C6orf163: variants seen among roughly 807,000 people sequenced by gnomAD.
The protein encoded by C6orf163 is uncharacterized protein C6orf163.
C6orf163 carries 22 observed loss-of-function variants against 28.4 expected under a neutral mutation model. The observed-to-expected ratio is 0.78, with a 90% CI of 0.55 to 1.11. The LOEUF is 1.11. Ranked by LOEUF, C6orf163 falls within the 50% of genes least tolerant of loss-of-function variation. The probability of loss-of-function intolerance (pLI) is 0.00; values close to 1 mark genes in which losing one functional copy is unlikely to be tolerated. For synonymous variants in C6orf163, 110 were observed against 123.6 expected (o/e 0.89, Z 0.73); for missense variants, 342 against 389.1 (o/e 0.88, Z 1.02).
intron 3 of C6orf163, among the ~76,000 whole-genome samples, chr6:87,355,572 A>G (rs892763015): frequency 2.0e-5 from 3 of 152,150 alleles, no homozygotes; most frequent in East Asian, 1.9e-4. Context: ...AAAAAAAACA[A>G]TTACCTTTAA....
rs985210286 is a variant in C6orf163, at chr6:87,345,074, T to C, written c.-26T>C. 2.7e-6 allele frequency: 4 copies of C among 1,498,024 alleles called. No individual in the cohort carries two copies. Among genetic ancestry groups the C allele is most frequent in the Non-Finnish European group, 3.5e-6 (4 of 1,127,078 alleles). The allele number at this position is 1,498,024 out of a possible 1,614,324, so 92.8% of individuals were successfully genotyped here. The stretch of plus-strand genomic sequence containing the variant: ...ATTCTAAGATTATTTTAACTGTAAG[T>C]AGGAGAAGACATCTGAAATTTAACT... On this transcript the variant is annotated 5_prime_UTR_variant, in exon 1 of 5. Coordinates refer to ENST00000388923, the MANE Select transcript of C6orf163 (RefSeq NM_001010868.3).
At chr6:87,345,637 A>C (rs1408060342) in intron 1 of C6orf163, among the ~76,000 whole-genome samples, 1 of 152,076 alleles carries the variant, frequency 6.6e-6, no homozygotes, top group African/African-American at 2.4e-5. Flanking sequence ...TAACACCCTA[A>C]TTGGATGGGC....
chr6:87,364,752 CA>C (rs1367047683), intron 4 of C6orf163, among the ~76,000 whole-genome samples: 2 of 152,184 alleles, frequency 1.3e-5, no homozygotes, highest in Admixed American at 1.3e-4. Flanking sequence ...CCCTAGCCCA[CA>C]GCAGGGAAGT....
At chr6:87,351,772 C>A (rs1279699723) in intron 3 of C6orf163, among the ~76,000 whole-genome samples, 5 of 152,188 alleles carry the variant, frequency 3.3e-5, no homozygotes, top group Admixed American at 2.0e-4. Context: ...GCTTCCCCAG[C>A]AGACTCCTGG....
In C6orf163 at chr6:87,356,316, A is replaced by T; in HGVS notation, c.367A>T (p.Thr123Ser). Residue 123 changes from threonine to serine, a missense_variant, in exon 4 of 5, where the codon ACT becomes TCT. Thr to Ser is a moderately conservative substitution (Grantham distance 58). Transcript: ENST00000388923. ...ATTGCTTCAGGAAGTGACAGCTAAAACTAAGACAGAGATGTATCAAAACAT... is the reference window on the plus strand; with the variant it reads ...ATTGCTTCAGGAAGTGACAGCTAAATCTAAGACAGAGATGTATCAAAACAT... The part of the protein sequence containing the change: ...QKDLQEVTAK[T>S]KTEMYQNMDD... The T allele has an allele frequency of 6.4e-7, 1 of 1,551,758 alleles. No homozygotes were observed. The highest frequency in any genetic ancestry group is 8.7e-7 in the Non-Finnish European group (1 of 1,147,006).
chr6:87,351,014 T>C (rs983929168), intron 3 of C6orf163, among the ~76,000 whole-genome samples: 1 of 152,190 alleles, frequency 6.6e-6, no homozygotes, highest in African/African-American at 2.4e-5. Flanking sequence ...GCATTTACTG[T>C]ACTGCTAAGA....
intron 3 of C6orf163, among the ~76,000 whole-genome samples, chr6:87,353,777 C>G (rs1432654051): frequency 6.6e-6 from 1 of 152,178 alleles, no homozygotes; most frequent in Non-Finnish European, 1.5e-5. Flanking sequence ...CACAGCAGAA[C>G]CTCTTCACCC....
intron 1 of C6orf163, among the ~76,000 whole-genome samples, chr6:87,345,941 T>A (rs201347109): frequency 0.022 from 1,566 of 71,140 alleles, 4 homozygotes; most frequent in Non-Finnish European, 0.031. Context: ...AAAAAAAAAA[T>A]TTTAAAGTAC....
At chr6:87,345,916 C>CAAAAAAAAAAAAAAAAAAAAAAAAAAAA (rs3044136) in intron 1 of C6orf163, among the ~76,000 whole-genome samples, 4 of 44,650 alleles carry the variant, frequency 9.0e-5, no homozygotes, top group African/African-American at 2.5e-4. Context: ...GACTCTGCCT[C>CAAAAAAAAAAAAAAAAAAAAAAAAAAAA]AAAAAAAAAA....
intron 3 of C6orf163, among the ~76,000 whole-genome samples, chr6:87,355,923 A>G (rs1777494376): frequency 6.6e-6 from 1 of 152,148 alleles, no homozygotes; most frequent in Non-Finnish European, 1.5e-5. Context: ...TATTTCTGCC[A>G]TTTTCCAGGA....
intron 1 of C6orf163, 141 bp from the exon 2 acceptor site, chr6:87,348,671 G>C (rs1009962494): frequency 7.1e-7 from 1 of 1,413,770 alleles, no homozygotes; most frequent in African/African-American, 1.5e-5. Flanking sequence ...CTTTCAATGG[G>C]TATCTTTGAA....
At chr6:87,362,407 G>A (rs1777593145) in intron 4 of C6orf163, among the ~76,000 whole-genome samples, 1 of 152,166 alleles carries the variant, frequency 6.6e-6, no homozygotes, top group South Asian at 2.1e-4. Context: ...AACCTGGGAG[G>A]CGGAGGTTGC....
At chr6:87,349,667 A>T (rs182307768) in intron 2 of C6orf163, among the ~76,000 whole-genome samples, 10 of 152,364 alleles carry the variant, frequency 6.6e-5, no homozygotes, top group Admixed American at 6.5e-4. Flanking sequence ...TAGTATTAGC[A>T]TTGCTCAGTA....
At position 87,344,908 on chromosome 6, in the gene C6orf163, C is replaced by G. The variant is rs1777300486; in HGVS notation, c.-192C>G. 2.3e-6 allele frequency: 1 copy of G among 441,778 alleles called. No individual in the cohort carries two copies. The highest frequency in any genetic ancestry group is 4.0e-6 in the Non-Finnish European group (1 of 253,164). 27.4% of individuals were successfully genotyped at this position (441,778 alleles called of 1,614,324 possible). On this transcript the variant is annotated 5_prime_UTR_variant, in exon 1 of 5. Transcript: ENST00000388923. ...CCTTCTATGGCAGGGGCTTTTAGCA[C>G]CATTCTTTAACGTTAGACACATAAC...
At chr6:87,347,327 A>G in intron 1 of C6orf163, 1 of 911,414 alleles carries the variant, frequency 1.1e-6, no homozygotes, top group Middle Eastern at 5.6e-4. Flanking sequence ...ATTTTTAAAA[A>G]AAGCTTTGCA....
chr6:87,348,878 C>T lies in C6orf163; in HGVS notation c.215C>T (p.Ala72Val), dbSNP rs9353479. The T allele has an allele frequency of 1.5e-3, 2,339 of 1,537,404 alleles. 25 individuals are homozygous for T. The East Asian group carries it at 0.033, about 22-fold the overall frequency. Residue 72 changes from alanine to valine, a missense_variant, in exon 2 of 5, where the codon GCG becomes GTG. Coordinates refer to ENST00000388923, the MANE Select transcript of C6orf163 (RefSeq NM_001010868.3). ...GAAGATATACTCAGAGAACACATTGCGAAAGCAGAAGCTGAAGTATGGGCT... is the reference window on the plus strand; with the variant it reads ...GAAGATATACTCAGAGAACACATTGTGAAAGCAGAAGCTGAAGTATGGGCT... ...FQEDILREHI[A>V]KAEAEVWAQA...
chr6:87,364,867 C>A, intron 4 of C6orf163, 94 bp from the exon 5 acceptor site: 1 of 966,522 alleles, frequency 1.0e-6, no homozygotes, highest in Non-Finnish European at 1.5e-6. Flanking sequence ...TGGCTCATCT[C>A]AACAATTGCT....
chr6:87,361,945 T>C (rs549076487), intron 4 of C6orf163, among the ~76,000 whole-genome samples: 10 of 152,290 alleles, frequency 6.6e-5, no homozygotes, highest in African/African-American at 2.4e-4. Context: ...TTGGTCTCTC[T>C]AGCTCACCCC....
intron 4 of C6orf163, 36 bp downstream of exon 4, chr6:87,356,539 C>T: frequency 2.6e-6 from 4 of 1,534,320 alleles, no homozygotes; most frequent in Non-Finnish European, 3.5e-6. Context: ...TTAGTAACTT[C>T]CTTTATCAAA....
Sources: gnomAD v4.1 joint callset for allele counts (sites outside exome capture counted in the v4.1 genomes callset) on GRCh38, gnomAD v4.1.1 for gene constraint, MANE v1.5 for transcripts, NCBI Gene and HGNC (gene_info 2026-07-23, HGNC 2026-07-21) for gene names.